Variants in DENND1C observed in about 807,000 individuals in gnomAD.
DENND1C encodes the protein DENN domain containing 1C.
A neutral mutation model predicts 87.9 loss-of-function variants in DENND1C; 64 were observed. The observed-to-expected ratio is 0.73, with a 90% confidence interval of 0.60 to 0.90. The LOEUF (loss-of-function observed/expected upper bound fraction) is 0.90, where lower values mean the gene tolerates loss of function less well. Among genes scored for constraint, DENND1C ranks in the 40% least tolerant of loss-of-function variants. The pLI, the probability that DENND1C is intolerant of heterozygous loss-of-function variation, is 0.00. For missense variants in DENND1C, 980 were observed against 1,037.0 expected (o/e 0.95, Z 0.76); for synonymous variants, 384 against 424.4 (o/e 0.90, Z 1.17).
chr19:6,468,289 G>T lies in DENND1C; in HGVS notation c.1736C>A (p.Pro579Gln). Reference protein sequence around the residue: ...MGAKSAGSLRPSQSLDCCHRG... With the variant: ...MGAKSAGSLRQSQSLDCCHRG... The stretch of plus-strand genomic sequence containing the variant: ...GTGACAGCAGTCTAAACTCTGGCTC[G>T]GTCTCAGGCTGCCTGCGCTCTTGGC... Residue 579 changes from proline (P) to glutamine (Q), a missense_variant, in exon 22 of 23, where the codon CCG becomes CAG. By Grantham distance (76) the Pro-to-Gln change is moderately conservative (BLOSUM62 -1). Transcript: ENST00000381480. The T allele has an allele frequency of 1.9e-6, 3 of 1,613,602 alleles. No homozygotes were observed. Among genetic ancestry groups the T allele is most frequent in the South Asian group, 2.2e-5 (2 of 91,022 alleles).
At chr19:6,476,285 C>T (rs1326574372) in intron 10 of DENND1C, 1 of 278,640 alleles carries the variant, frequency 3.6e-6, no homozygotes, top group Non-Finnish European at 6.8e-6. Context: ...CCGCCCTTGT[C>T]CCGCCCCTAG....
Position 6,479,407 on chromosome 19 carries a change from A to T in DENND1C, c.176+262T>A, listed in dbSNP as rs192361462. Among the ~76,000 whole-genome samples, 248 of 130,960 alleles carry T rather than the reference A, an allele frequency of 1.9e-3. 7 individuals are homozygous for T. The highest frequency in any genetic ancestry group is 0.01 in the African/African-American group (242 of 23,598). 85.9% of individuals were successfully genotyped at this position (130,960 alleles called of 152,430 possible). A position where few individuals can be genotyped will look rare whatever the true frequency, so the allele number is the denominator to read the frequency against. ...AAGTCCCTGAATCCTTGTGTCCCTG[A>T]GTCCTTGAGTCTCTGAGTCCCTGGG... is the stretch of plus-strand genomic sequence containing the variant. On this transcript the variant is annotated intron_variant, in intron 4 of 22. Coordinates refer to ENST00000381480, the MANE Select transcript of DENND1C (RefSeq NM_024898.4).
intron 6 of DENND1C, among the ~76,000 whole-genome samples, chr19:6,478,285 C>T (rs1425787236): frequency 6.6e-6 from 1 of 152,142 alleles, no homozygotes; most frequent in Admixed American, 6.6e-5. Flanking sequence ...CTCCTGTTGC[C>T]CAAGCTGGAG....
rs1167753957 is a variant in DENND1C at position 6,478,975 on chromosome 19, G to T, written c.258C>A (p.Arg86=). The T allele has an allele frequency of 6.2e-7, 1 of 1,613,942 alleles. No homozygotes were observed. The highest frequency in any genetic ancestry group is 8.5e-7 in the Non-Finnish European group (1 of 1,179,862). ...GACAGCTCTGGGTACCCGCCCGCAG[G>T]CGGCAGAAACCAAATCTGCGGTTGC... ...LAGNRRFGFC[R]LRAGTQSCLC... is the part of the protein sequence containing the mutation. The change falls in exon 5 of 23, where the codon CGC becomes CGA. Residue 86 remains arginine, a synonymous_variant. Transcript: ENST00000381480.
chr19:6,477,034 C>T (rs751633068), intron 9 of DENND1C, 40 bp downstream of exon 9: 2 of 1,613,296 alleles, frequency 1.2e-6, no homozygotes, highest in South Asian at 1.1e-5. Context: ...GTCCGGGTTT[C>T]GGGACCTGTT....
rs2092807333 is a variant in DENND1C at position 6,468,296 on chromosome 19, G to A, written c.1729C>T (p.Leu577=). The change falls in exon 22 of 23, where the codon CTG becomes TTG. Residue 577 remains leucine (L), a synonymous_variant. Coordinates refer to ENST00000381480, the MANE Select transcript of DENND1C (RefSeq NM_024898.4). ...LSMGAKSAGS[L]RPSQSLDCCH... ...CAGTCTAAACTCTGGCTCGGTCTCA[G>A]GCTGCCTGCGCTCTTGGCTCCCATG... 2 of 1,613,738 alleles carry A rather than the reference G, an allele frequency of 1.2e-6. No homozygotes were observed. The highest frequency in any genetic ancestry group is 1.1e-5 in the South Asian group (1 of 91,046).
In DENND1C at chr19:6,480,452, ATC is replaced by A. The variant is rs972270244; in HGVS notation, c.18-403_18-402del. Reference sequence around the variant, plus strand: ...TGCAGTCCCAAGCTAAGTGAATTACATCTCTCTCTCTCTATATATATATCCAT... The same window carrying A: ...TGCAGTCCCAAGCTAAGTGAATTACATCTCTCTCTCTATATATATATCCAT... On this transcript the variant is annotated intron_variant, in intron 1 of 22. Coordinates refer to ENST00000381480, the MANE Select transcript of DENND1C (RefSeq NM_024898.4). 526 of 970,804 alleles carry A rather than the reference ATC, an allele frequency of 5.4e-4. 4 individuals carry two copies. The highest frequency in any genetic ancestry group is 8.2e-4 in the Admixed American group (13 of 15,876). 60.1% of individuals were successfully genotyped at this position (970,804 alleles called of 1,614,324 possible).
intron 19 of DENND1C, 138 bp downstream of exon 19, chr19:6,469,457 AT>A (rs34754900): frequency 3.7e-6 from 3 of 818,466 alleles, no homozygotes; most frequent in Non-Finnish European, 3.9e-6. Flanking sequence ...ATTTTTAACT[AT>A]TTTTTTGTAG....
chr19:6,469,539 C>G, intron 19 of DENND1C, 57 bp downstream of exon 19: 1 of 1,545,174 alleles, frequency 6.5e-7, no homozygotes, highest in South Asian at 1.2e-5. Flanking sequence ...CTGCCTCGGC[C>G]TCCCAAAGTG....
intron 20 of DENND1C, 44 bp from the exon 21 acceptor site, chr19:6,468,689 C>T (rs752967042): frequency 1.4e-5 from 20 of 1,435,732 alleles, no homozygotes; most frequent in East Asian, 5.0e-5. Context: ...ACTGCAGAAT[C>T]GGGGGGCTGA....
chr19:6,475,405 GCA>G lies in DENND1C; in HGVS notation c.928-8_928-7del. 1 of 1,612,010 alleles carries G rather than the reference GCA, an allele frequency of 6.2e-7. No individual in the cohort carries two copies. Among genetic ancestry groups the G allele is most frequent in the Non-Finnish European group, 8.5e-7 (1 of 1,178,720 alleles). On this transcript the variant is annotated splice_region_variant and splice_polypyrimidine_tract_variant and intron_variant, in intron 13 of 22. Transcript: ENST00000381480. ...CGGAGCCTCAGCAGGGACACCTGAA[GCA>G]CAAGGGAGTGGCCCTGAGTGGGCAG...
chr19:6,478,226 C>T (rs2092874692), intron 6 of DENND1C, among the ~76,000 whole-genome samples: 1 of 152,078 alleles, frequency 6.6e-6, no homozygotes, highest in Non-Finnish European at 1.5e-5. Flanking sequence ...AGGTGTGCAC[C>T]ACCACGCCTG....
chr19:6,474,534 A>T (rs539132287), intron 14 of DENND1C, among the ~76,000 whole-genome samples: 1 of 152,330 alleles, frequency 6.6e-6, no homozygotes, highest in Non-Finnish European at 1.5e-5. Context: ...CTATCACAGT[A>T]TCCATCTCAA....
chr19:6,475,636 G>A (rs1568398296), intron 12 of DENND1C, 51 bp from the exon 13 acceptor site: 2 of 1,613,474 alleles, frequency 1.2e-6, no homozygotes, highest in Non-Finnish European at 1.7e-6. Context: ...CTTGGCAGAG[G>A]AGGGCATCTG....
At chr19:6,468,179 T>C in intron 22 of DENND1C, 55 bp downstream of exon 22, 2 of 1,610,446 alleles carry the variant, frequency 1.2e-6, no homozygotes, top group Admixed American at 1.7e-5. Flanking sequence ...GCAAGTTGGA[T>C]GGACCATTAG....
At chr19:6,476,108 C>A in intron 10 of DENND1C, 171 bp from the exon 11 acceptor site, 1 of 649,040 alleles carries the variant, frequency 1.5e-6, no homozygotes, top group African/African-American at 1.8e-5. Context: ...AGGAATTTGG[C>A]CACTTACAGT....
chr19:6,475,149 G>T, intron 14 of DENND1C, 125 bp downstream of exon 14: 1 of 1,477,300 alleles, frequency 6.8e-7, no homozygotes. Flanking sequence ...CTCCCATCTC[G>T]GCATCCCAAA....
intron 4 of DENND1C, among the ~76,000 whole-genome samples, chr19:6,479,407 AGTCCTTGAGTCTCTGAGTCCCTGG>A (rs2092884853): frequency 1.5e-5 from 2 of 130,918 alleles, no homozygotes; most frequent in African/African-American, 8.5e-5. Context: ...TGTGTCCCTG[AGTCCTTGAGTCTCTGAGTCCCTGG>A]GTCCCTGGGT....
chr19:6,481,647 T>C (rs1222561524), intron 1 of DENND1C, 32 bp downstream of exon 1: 3 of 1,612,196 alleles, frequency 1.9e-6, no homozygotes, highest in East Asian at 2.2e-5. Context: ...GGGAATCTTG[T>C]ACCAGAGAAT....
Sources: allele counts gnomAD v4.1 joint callset (sites outside exome capture counted in the v4.1 genomes callset), GRCh38; gene constraint gnomAD v4.1.1; transcripts MANE v1.5; gene names NCBI Gene and HGNC (gene_info 2026-07-23, HGNC 2026-07-21).